GPN1: variants seen among roughly 807,000 people sequenced by gnomAD.
The protein encoded by GPN1 is ATP(GTP)-binding protein.
A neutral mutation model predicts 55.9 loss-of-function variants in GPN1; 44 were observed. That is an observed-to-expected ratio of 0.79 (90% CI 0.62 to 1.01). GPN1 has a LOEUF of 1.01. Among genes scored for constraint, GPN1 ranks in the 50% least tolerant of loss-of-function variants. The pLI, the probability that GPN1 is intolerant of heterozygous loss-of-function variation, is 0.00. For missense variants in GPN1, 466 were observed against 462.8 expected, an observed-to-expected ratio of 1.01 and a Z score of -0.06; for synonymous variants, 179 against 162.5, an observed-to-expected ratio of 1.10 and a Z score of -0.77.
In GPN1 at chr2:27,651,478, T is replaced by C. The variant is rs1490941704; in HGVS notation, c.*1278T>C. On this transcript the variant is annotated 3_prime_UTR_variant, in exon 14 of 14. Transcript: ENST00000610189. The stretch of plus-strand genomic sequence containing the variant: ...CTGGTGCCTGTTATGCAGTTTAACA[T>C]TCTGCAGCAATAAAAGTGTTTTATT... 1.3e-5 allele frequency: 2 copies of C among 152,402 alleles called. No homozygotes were observed. The highest frequency in any genetic ancestry group is 2.9e-5 in the Non-Finnish European group (2 of 68,048). 9.4% of individuals were successfully genotyped at this position (152,402 alleles called of 1,614,324 possible).
rs762799829 is a variant in GPN1, at chr2:27,650,086, G to GA, written c.1040-24dup. 6.3e-6 allele frequency: 8 copies of GA among 1,277,578 alleles called. No homozygotes were observed. The African/African-American group carries it at 1.0e-4, about 16-fold the overall frequency. The allele number at this position is 1,277,578 out of a possible 1,614,324, so 79.1% of individuals were successfully genotyped here. ...AATCAGTTTGTCTAATGAAAGAGTT[G>GA]AAAAAGAATTGCCCTTTTTTCCTTG... On this transcript the variant is annotated intron_variant, in intron 13 of 13. Coordinates refer to ENST00000610189, the MANE Select transcript of GPN1 (RefSeq NM_007266.4).
At position 27,634,864 on chromosome 2, in the gene GPN1, A is replaced by T; in HGVS notation, c.369A>T (p.Thr123=). ...GACATAGATATGTGTTGATTGACAC[A>T]CCTGGACAGATTGAGGTATTCACCT... ...QNMSKYVLID[T]PGQIEVFTWS... is the part of the protein sequence containing the mutation. The change falls in exon 6 of 14, where the codon ACA becomes ACT. Residue 123 remains threonine, a synonymous_variant. Coordinates refer to ENST00000610189, the MANE Select transcript of GPN1 (RefSeq NM_007266.4). The T allele has an allele frequency of 6.3e-7, 1 of 1,587,798 alleles. No homozygotes were observed. The highest frequency in any genetic ancestry group is 8.7e-7 in the Non-Finnish European group (1 of 1,156,040).
intron 5 of GPN1, among the ~76,000 whole-genome samples, chr2:27,633,248 T>A (rs1451706472): frequency 1.3e-5 from 2 of 152,248 alleles, no homozygotes; most frequent in East Asian, 1.9e-4. Context: ...CATTTCTATA[T>A]ACACAGATAG....
intron 1 of GPN1, 134 bp from the exon 2 acceptor site, chr2:27,629,725 A>G: frequency 1.5e-6 from 1 of 648,358 alleles, no homozygotes; most frequent in Non-Finnish European, 2.8e-6. Context: ...TGTATCTTGG[A>G]GGTGGACATG....
chr2:27,629,250 A>AGGCCTT, intron 1 of GPN1, 81 bp downstream of exon 1: 3 of 1,540,498 alleles, frequency 1.9e-6, no homozygotes, highest in East Asian at 2.3e-5. Flanking sequence ...AAAGGGAGGG[A>AGGCCTT]AGAGGATTTG....
chr2:27,628,894 CTCA>C, upstream of GPN1: 1 of 1,469,256 alleles, frequency 6.8e-7, no homozygotes, highest in Non-Finnish European at 9.0e-7. Flanking sequence ...CACTAGTTGA[CTCA>C]TCAGCCCTGC....
At chr2:27,628,496 AC>A, upstream of GPN1, 1 of 1,551,190 alleles carries the variant, frequency 6.4e-7, no homozygotes, top group Non-Finnish European at 8.7e-7. Flanking sequence ...TGCGTCTGCA[AC>A]TCGCGGGAAC....
Position 27,642,412 on chromosome 2 carries a change from T to C in GPN1, c.841-17T>C. On this transcript the variant is annotated splice_polypyrimidine_tract_variant and intron_variant, in intron 11 of 13. Coordinates refer to ENST00000610189, the MANE Select transcript of GPN1 (RefSeq NM_007266.4). ...ACTCCTTTTTGAATATGATGACATT[T>C]TTCTCTGTATATACAGGCCAACGCA... 1 of 1,548,468 alleles carries C rather than the reference T, an allele frequency of 6.5e-7. No individual in the cohort carries two copies. Among genetic ancestry groups the C allele is most frequent in the Non-Finnish European group, 8.9e-7 (1 of 1,122,246 alleles).
At chr2:27,634,005 T>C (rs1673641691) in intron 5 of GPN1, among the ~76,000 whole-genome samples, 1 of 152,102 alleles carries the variant, frequency 6.6e-6, no homozygotes, top group Non-Finnish European at 1.5e-5. Context: ...CCATTTTCCA[T>C]TCCCATTGGC....
chr2:27,642,072 A>G (rs1203724074), intron 11 of GPN1: 2 of 168,168 alleles, frequency 1.2e-5, no homozygotes, highest in African/African-American at 4.8e-5. Flanking sequence ...ATAAAGAGTA[A>G]TGCTTTCTAT....
chr2:27,649,209 C>T (rs1480337633), intron 13 of GPN1, among the ~76,000 whole-genome samples: 1 of 151,416 alleles, frequency 6.6e-6, no homozygotes, highest in Non-Finnish European at 1.5e-5. Context: ...CTCACCATTG[C>T]ACTCAGGCCT....
chr2:27,646,800 G>A (rs543620552), intron 12 of GPN1, among the ~76,000 whole-genome samples: 7 of 151,460 alleles, frequency 4.6e-5, no homozygotes, highest in Non-Finnish European at 7.4e-5. Flanking sequence ...GAAAGTTATT[G>A]CTCTATATCT....
At chr2:27,642,361 C>A in intron 11 of GPN1, 68 bp from the exon 12 acceptor site, 1 of 908,584 alleles carries the variant, frequency 1.1e-6, no homozygotes, top group Admixed American at 1.8e-5. Context: ...TTCATCTCCA[C>A]TGAGAAGTCT....
intron 11 of GPN1, among the ~76,000 whole-genome samples, chr2:27,641,527 T>C (rs369086693): frequency 6.6e-6 from 1 of 152,218 alleles, no homozygotes; most frequent in Non-Finnish European, 1.5e-5. Context: ...TTAATGTTTC[T>C]TCCCTTTCAG....
In GPN1 at chr2:27,643,157, C is replaced by T. The variant is rs1674045839; in HGVS notation, c.931+638C>T. ...GGTGGTTTTTTTTGTTTGTTTCTAA[C>T]ACTTTTAACCCTCCTCAATTTTTTT... On this transcript the variant is annotated intron_variant, in intron 12 of 13. Coordinates refer to ENST00000610189, the MANE Select transcript of GPN1 (RefSeq NM_007266.4). The surrounding 1 kb of genome is among the most constrained non-coding windows in gnomAD (Gnocchi z 4.0). Among the ~76,000 whole-genome samples the T allele has an allele frequency of 6.7e-6, 1 of 150,336 alleles. No homozygotes were observed.
Position 27,651,168 on chromosome 2 carries a change from CAG to C in GPN1, c.*969_*970del, listed in dbSNP as rs1330959139. ...CTCCACATTTTACAGTATCTTAAAA[CAG>C]TACATTTCTTTCAAAGAATTTTATC... On this transcript the variant is annotated 3_prime_UTR_variant, in exon 14 of 14. Coordinates refer to ENST00000610189, the MANE Select transcript of GPN1 (RefSeq NM_007266.4). The C allele has an allele frequency of 4.6e-5, 7 of 152,336 alleles. No homozygotes were observed. The highest frequency in any genetic ancestry group is 1.4e-4 in the African/African-American group (6 of 41,450). The allele number at this position is 152,336 out of a possible 1,614,324, so 9.4% of individuals were successfully genotyped here.
At chr2:27,629,760 T>C (rs148906000) in intron 1 of GPN1, 99 bp from the exon 2 acceptor site, 3 of 726,180 alleles carry the variant, frequency 4.1e-6, no homozygotes, top group Non-Finnish European at 7.5e-6. Context: ...TAGAAGAAAA[T>C]CTAAGTGCAA....
At chr2:27,628,822 T>C, upstream of GPN1, 1 of 1,480,622 alleles carries the variant, frequency 6.8e-7, no homozygotes, top group Non-Finnish European at 9.0e-7. Context: ...ATCAGCGCCC[T>C]TTTCCTAGCT....
At position 27,631,858 on chromosome 2, in the gene GPN1, C is replaced by T. The variant is rs912027603; in HGVS notation, c.270C>T (p.Gly90=). Residue 90 remains glycine (G), a synonymous_variant, in exon 4 of 14, where the codon GGC becomes GGT. Coordinates refer to ENST00000610189, the MANE Select transcript of GPN1 (RefSeq NM_007266.4). ...MKQYGLGPNG[G]IVTSLNLFAT... ...GATATGGACTTGGACCCAATGGCGGCATAGTGACCTCACTCAATCTCTTTG... is the reference window on the plus strand; with the variant it reads ...GATATGGACTTGGACCCAATGGCGGTATAGTGACCTCACTCAATCTCTTTG... The T allele has an allele frequency of 6.2e-7, 1 of 1,602,100 alleles. No homozygotes were observed. Among genetic ancestry groups the T allele is most frequent in the Non-Finnish European group, 8.6e-7 (1 of 1,169,054 alleles).
Sources: allele counts gnomAD v4.1 joint callset (sites outside exome capture counted in the v4.1 genomes callset), GRCh38; gene constraint gnomAD v4.1.1; non-coding constraint Gnocchi (gnomAD v3.1); transcripts MANE v1.5; gene names NCBI Gene and HGNC (gene_info 2026-07-23, HGNC 2026-07-21).